The following NRXN3 variants were observed in gnomAD, a reference collection of about 807,000 sequenced individuals.
The protein encoded by NRXN3 is neurexin III.
In NRXN3, 32 loss-of-function variants were observed where a neutral mutation model predicts 137.6. The observed-to-expected ratio is 0.23, with a 90% CI of 0.18 to 0.31. NRXN3 has a LOEUF of 0.31. NRXN3 is among the 10% of genes least tolerant of loss of function. The pLI is 1.00. For missense variants in NRXN3, 1,574 were observed against 2,062.5 expected (o/e 0.76, Z 4.59); for synonymous variants, 798 against 784.5 (o/e 1.02, Z -0.29).
At chr14:79,857,040 C>T (rs143616129) in intron 20 of NRXN3, among the ~76,000 whole-genome samples, 176 of 152,122 alleles carry the variant, frequency 1.2e-3, no homozygotes, top group African/African-American at 4.1e-3. Flanking sequence ...CCCTTTATGA[C>T]TTTGGGTTAT....
At chr14:79,077,061 GTCAAGGGAATGGAT>G (rs1247061077) in intron 15 of NRXN3, among the ~76,000 whole-genome samples, 1 of 152,054 alleles carries the variant, frequency 6.6e-6, no homozygotes, top group Non-Finnish European at 1.5e-5. Flanking sequence ...TCCAGTTATC[GTCAAGGGAATGGAT>G]TTAAGTCTGA....
chr14:78,477,571 T>C (rs1233513866), intron 4 of NRXN3, among the ~76,000 whole-genome samples: 1 of 152,216 alleles, frequency 6.6e-6, no homozygotes, highest in Non-Finnish European at 1.5e-5. Context: ...TCATGACCAA[T>C]GCAAATCAGT....
intron 20 of NRXN3, among the ~76,000 whole-genome samples, chr14:79,859,974 G>A (rs2099410830): frequency 6.6e-6 from 1 of 152,174 alleles, no homozygotes; most frequent in Non-Finnish European, 1.5e-5. Flanking sequence ...TAAAGACACT[G>A]AAGAGAGATC....
intron 4 of NRXN3, among the ~76,000 whole-genome samples, chr14:78,560,742 TG>T (rs1566748647): frequency 6.6e-6 from 1 of 152,182 alleles, no homozygotes. Context: ...AGCTGGAACC[TG>T]GGGGAAAAGA....
chr14:78,801,555 A>T (rs2153077666), intron 8 of NRXN3, among the ~76,000 whole-genome samples: 1 of 152,250 alleles, frequency 6.6e-6, no homozygotes, highest in South Asian at 2.1e-4. Flanking sequence ...CATGGGGGAA[A>T]CCACCCCCAT....
chr14:78,873,976 CT>C (rs3034392), intron 10 of NRXN3, among the ~76,000 whole-genome samples: 436 of 140,664 alleles, frequency 3.1e-3, no homozygotes, highest in Middle Eastern at 3.7e-3. Context: ...TCTTTTCTTT[CT>C]TTTTTTTTTT....
rs115879619 is a variant in NRXN3 at position 78,712,912 on chromosome 14, C to T, written c.1661-1844C>T. ...TTCATTCTTGATCACGTCTGATCTT[C>T]GCAGCCCTTCAGGTTATATACCCTT... On this transcript the variant is annotated intron_variant, in intron 7 of 20. Transcript: ENST00000335750. 3.1e-3 allele frequency among the ~76,000 whole-genome samples: 472 copies of T among 152,290 alleles called. 5 individuals are homozygous for T. Among genetic ancestry groups the T allele is most frequent in the African/African-American group, 0.011 (449 of 41,556 alleles).
At chr14:79,445,657 A>G (rs896511705) in intron 15 of NRXN3, among the ~76,000 whole-genome samples, 3 of 152,228 alleles carry the variant, frequency 2.0e-5, no homozygotes, top group African/African-American at 7.2e-5. Context: ...GAGGCCAGCC[A>G]TGCAAACATC....
At chr14:79,009,011 C>T (rs773388591) in intron 15 of NRXN3, among the ~76,000 whole-genome samples, 2 of 151,914 alleles carry the variant, frequency 1.3e-5, no homozygotes, top group Non-Finnish European at 2.9e-5. Context: ...TGATGTTTGC[C>T]GGGAAGAGAT....
intron 6 of NRXN3, among the ~76,000 whole-genome samples, chr14:78,684,775 CAG>C (rs2098111387): frequency 6.6e-6 from 1 of 152,170 alleles, no homozygotes; most frequent in African/African-American, 2.4e-5. Flanking sequence ...GTTTGGGAGA[CAG>C]AGCAAGACCT....
rs953190702 is a variant in NRXN3, at chr14:78,769,791, A to G, written c.2045-33829A>G. Among the ~76,000 whole-genome samples the G allele has an allele frequency of 3.9e-5, 6 of 152,356 alleles. No individual in the cohort carries two copies. In the South Asian group the frequency reaches 1.2e-3, roughly 32 times the overall value. On this transcript the variant is annotated intron_variant, in intron 8 of 20. Coordinates refer to ENST00000335750, the MANE Select transcript of NRXN3 (RefSeq NM_001330195.2). ...TGCTGAGGAGGTAGGCATGGGAGGC[A>G]GTAGCCATTTGAGAGGCAGAAGCAG...
chr14:78,554,911 G>A (rs2096724369), intron 4 of NRXN3, among the ~76,000 whole-genome samples: 1 of 152,072 alleles, frequency 6.6e-6, no homozygotes, highest in Non-Finnish European at 1.5e-5. Context: ...CATCCACCAA[G>A]CCACCCATTT....
intron 4 of NRXN3, among the ~76,000 whole-genome samples, chr14:78,623,397 A>G (rs2097424606): frequency 6.6e-6 from 1 of 152,158 alleles, no homozygotes; most frequent in South Asian, 2.1e-4. Context: ...GATGACTCAA[A>G]TTGTCAGTTG....
intron 20 of NRXN3, chr14:79,854,240 T>A: frequency 2.9e-6 from 2 of 694,214 alleles, no homozygotes; most frequent in Non-Finnish European, 1.8e-6. Context: ...TAAATTAATA[T>A]GGTATGCTTT....
intron 15 of NRXN3, among the ~76,000 whole-genome samples, chr14:79,466,039 A>T (rs1489965624): frequency 1.3e-5 from 2 of 152,208 alleles, no homozygotes; most frequent in Non-Finnish European, 2.9e-5. Flanking sequence ...AAGTAGTTCT[A>T]AATTAATATA....
intron 16 of NRXN3, among the ~76,000 whole-genome samples, chr14:79,566,857 A>G (rs774075006): frequency 1.4e-4 from 21 of 152,172 alleles, no homozygotes; most frequent in Non-Finnish European, 2.6e-4. Flanking sequence ...ATCATGAATC[A>G]TGATACTCCT....
chr14:78,402,457 G>A (rs952066002), intron 4 of NRXN3, among the ~76,000 whole-genome samples: 50 of 152,260 alleles, frequency 3.3e-4, no homozygotes, highest in African/African-American at 1.0e-3. Flanking sequence ...CTTAAAAGCC[G>A]TTTGTTCTTT....
intron 19 of NRXN3, among the ~76,000 whole-genome samples, chr14:79,753,452 C>T (rs1263949509): frequency 6.6e-6 from 1 of 151,340 alleles, no homozygotes; most frequent in African/African-American, 2.4e-5. Flanking sequence ...TCATCTTTCT[C>T]AGCAAACTAT....
At chr14:79,342,148 AT>A (rs1168540510) in intron 15 of NRXN3, among the ~76,000 whole-genome samples, 1 of 152,188 alleles carries the variant, frequency 6.6e-6, no homozygotes, top group Non-Finnish European at 1.5e-5. Context: ...GAGCAGTGTC[AT>A]CCCCCAACAC....
Sources: allele counts gnomAD v4.1 joint callset (sites outside exome capture counted in the v4.1 genomes callset), GRCh38; gene constraint gnomAD v4.1.1; transcripts MANE v1.5; gene names NCBI Gene and HGNC (gene_info 2026-07-23, HGNC 2026-07-21).